The following VAV1 variants were observed in gnomAD, a reference collection of about 807,000 sequenced individuals.
The protein encoded by VAV1 is proto-oncogene vav.
VAV1 carries 33 observed loss-of-function variants against 128.1 expected under a neutral mutation model. The ratio of observed to expected loss-of-function variants is 0.26; its 90% CI spans 0.20 to 0.34. The LOEUF (loss-of-function observed/expected upper bound fraction) is 0.34, where lower values mean the gene tolerates loss of function less well. Among genes scored for constraint, VAV1 ranks in the 10% least tolerant of loss-of-function variants. The pLI is 1.00. For missense variants in VAV1, 715 were observed against 1,093.7 expected (o/e 0.65, Z 4.88); for synonymous variants, 394 against 409.8 (o/e 0.96, Z 0.47).
intron 1 of VAV1, among the ~76,000 whole-genome samples, chr19:6,773,466 C>G (rs1383270222): frequency 6.6e-6 from 1 of 152,212 alleles, no homozygotes; most frequent in Non-Finnish European, 1.5e-5. Context: ...GTCTCCTCCT[C>G]CCGGGCCCTG....
rs188191886 is a variant in VAV1, at chr19:6,846,810, T to C, written c.2013-1188T>C. Among the ~76,000 whole-genome samples, 419 of 147,854 alleles carry C rather than the reference T, an allele frequency of 2.8e-3. 1 individual carries two copies. Among genetic ancestry groups the C allele is most frequent in the African/African-American group, 9.8e-3 (401 of 40,750 alleles). On this transcript the variant is annotated intron_variant, in intron 22 of 26. Transcript: ENST00000602142. ...GCTATCTACAATAGATAGTTATATA[T>C]TATTATATAATGATTATATATTATT...
At chr19:6,837,168 G>T (rs1972244081) in intron 21 of VAV1, 118 bp downstream of exon 21, 1 of 1,058,768 alleles carries the variant, frequency 9.4e-7, no homozygotes. Context: ...ATCATGGCAG[G>T]TCTTTCTCTA....
intron 1 of VAV1, among the ~76,000 whole-genome samples, chr19:6,805,838 G>A (rs968387536): frequency 1.3e-5 from 2 of 151,712 alleles, no homozygotes; most frequent in African/African-American, 2.4e-5. Context: ...AAGAGAGGAG[G>A]AAAGGAAGGA....
intron 1 of VAV1, among the ~76,000 whole-genome samples, chr19:6,783,389 T>C (rs907189705): frequency 1.3e-5 from 2 of 151,988 alleles, no homozygotes; most frequent in African/African-American, 4.8e-5. Flanking sequence ...CCGAAGGCCC[T>C]TGGAGTCTTT....
At chr19:6,849,783 A>G (rs1012933959) in intron 23 of VAV1, among the ~76,000 whole-genome samples, 1 of 152,158 alleles carries the variant, frequency 6.6e-6, no homozygotes, top group Non-Finnish European at 1.5e-5. Context: ...TTATGGCTGT[A>G]TAGTAGTCCA....
At chr19:6,780,769 T>C (rs1158493975) in intron 1 of VAV1, among the ~76,000 whole-genome samples, 1 of 150,048 alleles carries the variant, frequency 6.7e-6, no homozygotes, top group Non-Finnish European at 1.5e-5. Flanking sequence ...AGACAGGGTT[T>C]CACCATGTTG....
chr19:6,809,566 A>G (rs1326021497), intron 1 of VAV1, among the ~76,000 whole-genome samples: 1 of 152,164 alleles, frequency 6.6e-6, no homozygotes, highest in Non-Finnish European at 1.5e-5. Context: ...AAAAAAGAGT[A>G]GAGTCATCAG....
chr19:6,774,025 G>A (rs1970562689), intron 1 of VAV1, among the ~76,000 whole-genome samples: 1 of 152,178 alleles, frequency 6.6e-6, no homozygotes, highest in African/African-American at 2.4e-5. Context: ...GGGAGGATAA[G>A]TTAATGGAGA....
chr19:6,843,215 G>A, intron 22 of VAV1, 49 bp downstream of exon 22: 3 of 1,610,456 alleles, frequency 1.9e-6, no homozygotes, highest in Non-Finnish European at 2.5e-6. Flanking sequence ...TCTGGGTTGG[G>A]GTTCCAGGCT....
intron 1 of VAV1, among the ~76,000 whole-genome samples, chr19:6,813,081 A>G (rs556780264): frequency 3.3e-5 from 5 of 152,346 alleles, no homozygotes; most frequent in Admixed American, 3.3e-4. Flanking sequence ...TAATTGTATA[A>G]AACAACCATT....
At chr19:6,798,133 C>G (rs1971181730) in intron 1 of VAV1, among the ~76,000 whole-genome samples, 1 of 151,812 alleles carries the variant, frequency 6.6e-6, no homozygotes, top group Admixed American at 6.6e-5. Flanking sequence ...AGAAATTAGC[C>G]AGGCATGGTG....
chr19:6,776,436 C>CCATT (rs1970641003), intron 1 of VAV1, among the ~76,000 whole-genome samples: 1 of 62,766 alleles, frequency 1.6e-5, no homozygotes, highest in Non-Finnish European at 3.5e-5. Flanking sequence ...ATCCATCCAT[C>CCATT]CATCCATCCA....
chr19:6,782,541 CAATGGTATAT>C (rs1970789250), intron 1 of VAV1, among the ~76,000 whole-genome samples: 1 of 152,050 alleles, frequency 6.6e-6, no homozygotes, highest in Non-Finnish European at 1.5e-5. Context: ...TGCCTGTAGG[CAATGGTATAT>C]AAGTCAGGGT....
chr19:6,820,137 AGC>A lies in VAV1; in HGVS notation c.205-563_205-562del, dbSNP rs1971749342. Among the ~76,000 whole-genome samples, 1 of 152,222 alleles carries A rather than the reference AGC, an allele frequency of 6.6e-6. No individual in the cohort carries two copies. Among genetic ancestry groups the A allele is most frequent in the African/African-American group, 2.4e-5 (1 of 41,456 alleles). On this transcript the variant is annotated intron_variant, in intron 1 of 26. Transcript: ENST00000602142. The surrounding 1 kb of genome is among the most constrained non-coding windows in gnomAD (Gnocchi z 4.4). ...AATTCAAGACCAGCCTGGGCAACAT[AGC>A]GAGACCTCGTCTCTACAAAAAATAC...
At chr19:6,773,147 GC>G in intron 1 of VAV1, 136 bp downstream of exon 1, 2 of 1,197,354 alleles carry the variant, frequency 1.7e-6, no homozygotes, top group Non-Finnish European at 2.4e-6. Context: ...TCCAGGGCTG[GC>G]CCAGGGGGTG....
chr19:6,826,718 G>T lies in VAV1; in HGVS notation c.927+7G>T. On this transcript the variant is annotated splice_region_variant and intron_variant, in intron 9 of 26. Transcript: ENST00000602142. The surrounding 1 kb of genome is among the most constrained non-coding windows in gnomAD (Gnocchi z 4.1). ...CGTGCAGATGAAGCTGGAGGTGGGC[G>T]CCGGGCCACTTCTCGGGGGCCTCTC... The T allele has an allele frequency of 6.5e-7, 1 of 1,540,906 alleles. No homozygotes were observed. The highest frequency in any genetic ancestry group is 8.7e-7 in the Non-Finnish European group (1 of 1,147,570).
chr19:6,839,101 T>G (rs952188159), intron 21 of VAV1, among the ~76,000 whole-genome samples: 1 of 151,754 alleles, frequency 6.6e-6, no homozygotes, highest in African/African-American at 2.4e-5. Flanking sequence ...TGGAGTTTCA[T>G]CATGTTGGTC....
At chr19:6,849,514 T>C (rs932704339) in intron 23 of VAV1, among the ~76,000 whole-genome samples, 1 of 149,218 alleles carries the variant, frequency 6.7e-6, no homozygotes, top group African/African-American at 2.4e-5. Context: ...AGTTTCACCA[T>C]GTTGGCCAGG....
At position 6,777,816 on chromosome 19, in the gene VAV1, T is replaced by A. The variant is rs1013422073; in HGVS notation, c.204+4805T>A. Among the ~76,000 whole-genome samples the A allele has an allele frequency of 1.3e-5, 2 of 152,092 alleles. No homozygotes were observed. The highest frequency in any genetic ancestry group is 1.3e-4 in the Admixed American group (2 of 15,264). ...TCTCAATTATGAATTTTGTTTTTTT[T>A]AAATGAGACAGAGCCTTGCTGTCTC... On this transcript the variant is annotated intron_variant, in intron 1 of 26. Transcript: ENST00000602142. The surrounding 1 kb of genome is among the most constrained non-coding windows in gnomAD (Gnocchi z 4.4).
Sources: allele counts gnomAD v4.1 joint callset (sites outside exome capture counted in the v4.1 genomes callset), GRCh38; gene constraint gnomAD v4.1.1; non-coding constraint Gnocchi (gnomAD v3.1); transcripts MANE v1.5; gene names NCBI Gene and HGNC (gene_info 2026-07-23, HGNC 2026-07-21).